STXBP6: variants seen among roughly 807,000 people sequenced by gnomAD.
STXBP6 encodes syntaxin binding protein 6.
In STXBP6, 21 loss-of-function variants were observed where a neutral mutation model predicts 26.9. The ratio of observed to expected loss-of-function variants is 0.78; its 90% CI spans 0.55 to 1.12. The LOEUF is 1.12. Ranked by LOEUF, STXBP6 falls within the 50% of genes most tolerant of loss-of-function variation. STXBP6 has a pLI of 0.00. For synonymous variants in STXBP6, 97 were observed against 92.6 expected, an observed-to-expected ratio of 1.05 and a Z score of -0.27; for missense variants, 232 against 257.9, an observed-to-expected ratio of 0.90 and a Z score of 0.69.
rs747010332 is a variant in STXBP6, at chr14:25,002,359, C to CTTTTTTTTTTTTT, written c.-32-27522_-32-27510dup. 8.7e-4 allele frequency among the ~76,000 whole-genome samples: 105 copies of CTTTTTTTTTTTTT among 121,344 alleles called. 4 individuals are homozygous for CTTTTTTTTTTTTT. The highest frequency in any genetic ancestry group is 2.7e-3 in the African/African-American group (81 of 29,620). 79.6% of individuals were successfully genotyped at this position (121,344 alleles called of 152,430 possible). ...ATCCCATACAGTTAAATTCTTATGACTTTTTTTTTTTTTTTTTTGAGACAC... is the reference window on the plus strand; with the variant it reads ...ATCCCATACAGTTAAATTCTTATGACTTTTTTTTTTTTTTTTTTTTTTTTTTTTTTTGAGACAC... On this transcript the variant is annotated intron_variant, in intron 1 of 5. Transcript: ENST00000323944.
chr14:25,034,902 G>A lies in STXBP6; in HGVS notation c.-33+14976C>T, dbSNP rs192820976. On this transcript the variant is annotated intron_variant, in intron 1 of 5. Transcript: ENST00000323944. Reference sequence around the variant, plus strand: ...GTGGTGGCTCACACCTATAATCCCAGCACTTTGGGAGGCCAAGGGGGGCAG... The same window carrying A: ...GTGGTGGCTCACACCTATAATCCCAACACTTTGGGAGGCCAAGGGGGGCAG... Among the ~76,000 whole-genome samples, 336 of 152,224 alleles carry A rather than the reference G, an allele frequency of 2.2e-3. 1 individual carries two copies. The highest frequency in any genetic ancestry group is 6.8e-3 in the Middle Eastern group (2 of 294).
At chr14:24,844,883 G>A (rs1275905769) in intron 4 of STXBP6, among the ~76,000 whole-genome samples, 2 of 152,092 alleles carry the variant, frequency 1.3e-5, no homozygotes. Flanking sequence ...AATCTCTCAA[G>A]AGGTACACCA....
chr14:25,036,775 G>A lies in STXBP6; in HGVS notation c.-33+13103C>T, dbSNP rs113133261. On this transcript the variant is annotated intron_variant, in intron 1 of 5. Coordinates refer to ENST00000323944, the MANE Select transcript of STXBP6 (RefSeq NM_001394410.1). The stretch of plus-strand genomic sequence containing the variant: ...GGAGGCTGAGGTAGGAGAATGGCGT[G>A]AACCCAGGAGGCGGAGCTTGCAGTG... 6.8e-5 allele frequency among the ~76,000 whole-genome samples: 10 copies of A among 146,692 alleles called. No homozygotes were observed. In the East Asian group the frequency reaches 1.4e-3, roughly 21 times the overall value.
At chr14:24,939,434 A>T (rs1252743995) in intron 2 of STXBP6, among the ~76,000 whole-genome samples, 1 of 151,916 alleles carries the variant, frequency 6.6e-6, no homozygotes, top group Admixed American at 6.6e-5. Flanking sequence ...TGGTTACATA[A>T]CATTTTTTCA....
At chr14:24,946,861 T>C (rs190850321) in intron 2 of STXBP6, among the ~76,000 whole-genome samples, 2 of 151,944 alleles carry the variant, frequency 1.3e-5, no homozygotes, top group Non-Finnish European at 2.9e-5. Flanking sequence ...ATTAAGAGGG[T>C]ATGGGATACA....
At chr14:24,995,301 C>A (rs1718409223) in intron 1 of STXBP6, among the ~76,000 whole-genome samples, 1 of 152,190 alleles carries the variant, frequency 6.6e-6, no homozygotes, top group African/African-American at 2.4e-5. Context: ...AAAGGCCCCA[C>A]TTTCTGCAAC....
chr14:24,847,863 A>G (rs2139089712), intron 4 of STXBP6, among the ~76,000 whole-genome samples: 1 of 152,296 alleles, frequency 6.6e-6, no homozygotes, highest in South Asian at 2.1e-4. Flanking sequence ...TGTTTTGGTT[A>G]AGTCAGCAGT....
intron 2 of STXBP6, among the ~76,000 whole-genome samples, chr14:24,866,892 A>G: frequency 6.6e-6 from 1 of 151,992 alleles, no homozygotes; most frequent in East Asian, 1.9e-4. Flanking sequence ...TTCTTTTTGT[A>G]GAATACGACA....
intron 1 of STXBP6, among the ~76,000 whole-genome samples, chr14:25,023,957 TA>T (rs1350115368): frequency 6.6e-6 from 1 of 152,188 alleles, no homozygotes; most frequent in Non-Finnish European, 1.5e-5. Context: ...ATGATTATTT[TA>T]TGTACCACTA....
At chr14:24,941,573 TA>T (rs1302281682) in intron 2 of STXBP6, among the ~76,000 whole-genome samples, 1 of 152,124 alleles carries the variant, frequency 6.6e-6, no homozygotes, top group Non-Finnish European at 1.5e-5. Flanking sequence ...GGAGGTTGAA[TA>T]GTAAAGAAGT....
chr14:25,006,661 G>A (rs1355972569), intron 1 of STXBP6, among the ~76,000 whole-genome samples: 1 of 152,162 alleles, frequency 6.6e-6, no homozygotes, highest in Non-Finnish European at 1.5e-5. Context: ...ATATTCACGA[G>A]GGGTTCACGT....
At chr14:24,903,895 T>C (rs1267862906) in intron 2 of STXBP6, among the ~76,000 whole-genome samples, 1 of 152,210 alleles carries the variant, frequency 6.6e-6, no homozygotes, top group South Asian at 2.1e-4. Flanking sequence ...TGAAAGGGCA[T>C]CTACGTGTAT....
intron 1 of STXBP6, among the ~76,000 whole-genome samples, chr14:25,015,111 G>A (rs990097659): frequency 6.6e-6 from 1 of 152,016 alleles, no homozygotes; most frequent in Non-Finnish European, 1.5e-5. Context: ...CTATCATTGA[G>A]GGATTTTAAA....
chr14:24,888,041 A>G (rs1566446011), intron 2 of STXBP6, among the ~76,000 whole-genome samples: 1 of 152,210 alleles, frequency 6.6e-6, no homozygotes, highest in African/African-American at 2.4e-5. Context: ...ACGTGATGAT[A>G]AGGAAAGCAA....
intron 4 of STXBP6, 70 bp downstream of exon 4, chr14:24,855,866 C>T: frequency 1.4e-6 from 2 of 1,446,638 alleles, no homozygotes; most frequent in Non-Finnish European, 1.9e-6. Flanking sequence ...TGCTGCTGAA[C>T]TCCTAACTTC....
intron 2 of STXBP6, among the ~76,000 whole-genome samples, chr14:24,967,066 G>T (rs183176667): frequency 6.6e-6 from 1 of 150,644 alleles, no homozygotes; most frequent in Admixed American, 6.6e-5. Context: ...AGTGGATAAG[G>T]GAGTAGGCTC....
At chr14:25,016,766 T>C (rs769574899) in intron 1 of STXBP6, among the ~76,000 whole-genome samples, 19 of 152,094 alleles carry the variant, frequency 1.2e-4, no homozygotes, top group Non-Finnish European at 2.8e-4. Flanking sequence ...AGCATAAAAC[T>C]TTAAAAAAAT....
At chr14:25,040,326 T>C (rs902673850) in intron 1 of STXBP6, among the ~76,000 whole-genome samples, 1 of 152,192 alleles carries the variant, frequency 6.6e-6, no homozygotes, top group African/African-American at 2.4e-5. Flanking sequence ...TAGAAAGGCA[T>C]GTCTGCTCTC....
At chr14:25,020,737 A>G (rs1430101528) in intron 1 of STXBP6, among the ~76,000 whole-genome samples, 1 of 152,136 alleles carries the variant, frequency 6.6e-6, no homozygotes, top group African/African-American at 2.4e-5. Flanking sequence ...GTGTCACTGC[A>G]CATCCCTTCT....
Sources: allele counts gnomAD v4.1 joint callset (sites outside exome capture counted in the v4.1 genomes callset), GRCh38; gene constraint gnomAD v4.1.1; transcripts MANE v1.5; gene names NCBI Gene and HGNC (gene_info 2026-07-23, HGNC 2026-07-21).